Variants in CDS2 observed in about 807,000 individuals in gnomAD.
The protein encoded by CDS2 is phosphatidate cytidylyltransferase 2.
A neutral mutation model predicts 59.0 loss-of-function variants in CDS2; 47 were observed. That is an observed-to-expected ratio of 0.80 (90% CI 0.63 to 1.02). The LOEUF (loss-of-function observed/expected upper bound fraction) is 1.02, where lower values mean the gene tolerates loss of function less well. CDS2 is among the 50% of genes least tolerant of loss of function. The probability of loss-of-function intolerance (pLI) is 0.00; values close to 1 mark genes in which losing one functional copy is unlikely to be tolerated. For missense variants in CDS2, 356 were observed against 558.9 expected (o/e 0.64, Z 3.66); for synonymous variants, 207 against 206.4 (o/e 1.00, Z -0.02).
chr20:5,138,368 G>A (rs1375351091), intron 1 of CDS2, among the ~76,000 whole-genome samples: 1 of 152,102 alleles, frequency 6.6e-6, no homozygotes, highest in Non-Finnish European at 1.5e-5. Flanking sequence ...TTCCCAATGT[G>A]TGTTCTTGGT....
chr20:5,178,337 A>G (rs972575288), intron 4 of CDS2, among the ~76,000 whole-genome samples: 1 of 152,226 alleles, frequency 6.6e-6, no homozygotes, highest in African/African-American at 2.4e-5. Flanking sequence ...ATGGCATTTG[A>G]GCAAGGAGTG....
intron 1 of CDS2, among the ~76,000 whole-genome samples, chr20:5,133,586 G>A (rs933911763): frequency 2.0e-5 from 3 of 152,182 alleles, no homozygotes; most frequent in Non-Finnish European, 2.9e-5. Flanking sequence ...GGAGTGTAAT[G>A]GTATAATCTC....
chr20:5,176,243 A>C (rs2090994128), intron 3 of CDS2: 1 of 164,776 alleles, frequency 6.1e-6, no homozygotes, highest in Non-Finnish European at 1.3e-5. Context: ...AGAAGGTGAA[A>C]CCTCGTCTCT....
chr20:5,180,565 A>G lies in CDS2; in HGVS notation c.529+1609A>G, dbSNP rs547125947. The stretch of plus-strand genomic sequence containing the variant: ...ACAAGCAGAGGTCATTCTCATTGCT[A>G]TCTTGATTTTGGAGGGGTTTGGCCA... On this transcript the variant is annotated intron_variant, in intron 5 of 12. Coordinates refer to ENST00000460006, the MANE Select transcript of CDS2 (RefSeq NM_003818.4). Among the ~76,000 whole-genome samples the G allele has an allele frequency of 4.6e-5, 7 of 152,104 alleles. No individual in the cohort carries two copies. In the South Asian group the frequency reaches 1.2e-3, roughly 27 times the overall value.
intron 1 of CDS2, among the ~76,000 whole-genome samples, chr20:5,133,827 T>C (rs2090627314): frequency 6.6e-6 from 1 of 152,216 alleles, no homozygotes; most frequent in African/African-American, 2.4e-5. Context: ...GCCTGGCCTA[T>C]GAAGGTCTTC....
intron 1 of CDS2, among the ~76,000 whole-genome samples, chr20:5,142,876 A>G (rs1402683604): frequency 1.3e-5 from 2 of 152,106 alleles, no homozygotes; most frequent in Non-Finnish European, 2.9e-5. Flanking sequence ...TTTTTTTGAG[A>G]CAGGTTCTCA....
chr20:5,189,625 A>G (rs374366535), intron 11 of CDS2, 110 bp from the exon 12 acceptor site: 23 of 730,442 alleles, frequency 3.1e-5, no homozygotes, highest in South Asian at 1.5e-4. Context: ...CTCACCTTCT[A>G]TTGCCCTCAG....
At chr20:5,152,399 CTT>C in intron 1 of CDS2, among the ~76,000 whole-genome samples, 1 of 152,038 alleles carries the variant, frequency 6.6e-6, no homozygotes, top group East Asian at 1.9e-4. Context: ...TCTTGGTGTA[CTT>C]TCGTTTCATC....
At position 5,127,793 on chromosome 20, in the gene CDS2, G is replaced by A. The variant is rs967247570; in HGVS notation, c.57+644G>A. Among the ~76,000 whole-genome samples, 13 of 152,224 alleles carry A rather than the reference G, an allele frequency of 8.5e-5. No individual in the cohort carries two copies. In the East Asian group the frequency reaches 2.1e-3, roughly 25 times the overall value. On this transcript the variant is annotated intron_variant, in intron 1 of 12. Coordinates refer to ENST00000460006, the MANE Select transcript of CDS2 (RefSeq NM_003818.4). The stretch of plus-strand genomic sequence containing the variant: ...AGTAGGAAGGAGGCCATCTTGGCGG[G>A]GACAGTGGCGGGGGTGACGGGTGGG...
Position 5,183,105 on chromosome 20 carries a change from A to T in CDS2, c.633A>T (p.Ser211=). The T allele has an allele frequency of 6.2e-7, 1 of 1,614,134 alleles. No homozygotes were observed. Among genetic ancestry groups the T allele is most frequent in the Non-Finnish European group, 8.5e-7 (1 of 1,179,998 alleles). The part of the protein sequence containing the change: ...HVTLLIVVTQ[S]HLVIHNLFEG... ...CATTGCTGATTGTTGTAACACAGTC[A>T]CATCTTGTTATCCACAACCTATTTG... Residue 211 remains serine (S), a synonymous_variant, in exon 7 of 13, where the codon TCA becomes TCT. Transcript: ENST00000460006.
chr20:5,137,859 C>T (rs2090660540), intron 1 of CDS2, among the ~76,000 whole-genome samples: 1 of 151,490 alleles, frequency 6.6e-6, no homozygotes, highest in Non-Finnish European at 1.5e-5. Flanking sequence ...AGTACAGTGG[C>T]ACGATCTCGG....
intron 3 of CDS2, 165 bp from the exon 4 acceptor site, chr20:5,176,483 C>G: frequency 1.6e-6 from 1 of 626,548 alleles, no homozygotes; most frequent in Non-Finnish European, 2.9e-6. Context: ...GGCTGCATTG[C>G]TCTGTGGGAT....
chr20:5,168,800 A>G (rs1444642136), intron 1 of CDS2, among the ~76,000 whole-genome samples: 1 of 152,168 alleles, frequency 6.6e-6, no homozygotes, highest in African/African-American at 2.4e-5. Flanking sequence ...CCAGACCTTA[A>G]CCACAAGGAA....
At chr20:5,178,714 G>T (rs181429506) in intron 4 of CDS2, 103 bp from the exon 5 acceptor site, 7 of 1,172,684 alleles carry the variant, frequency 6.0e-6, no homozygotes, top group Non-Finnish European at 8.8e-6. Context: ...ACTCAAGGGT[G>T]GGGGGTATTC....
In CDS2 at chr20:5,184,905, A is replaced by AT; in HGVS notation, c.720dup (p.Met241TyrfsTer56). 1 of 1,613,930 alleles carries AT rather than the reference A, an allele frequency of 6.2e-7. No homozygotes were observed. Among genetic ancestry groups the AT allele is most frequent in the Non-Finnish European group, 8.5e-7 (1 of 1,179,940 alleles). ...GTGATCTGTAATGACATCATGGCCT[A>AT]TATGTTTGGCTTTTTCTTTGGTCGG... On this transcript the variant is annotated frameshift_variant, in exon 8 of 13. Transcript: ENST00000460006. LOFTEE classifies it high-confidence loss of function. The surrounding 1 kb of genome is among the most constrained non-coding windows in gnomAD (Gnocchi z 4.3).
chr20:5,186,630 C>G (rs1455199506), intron 9 of CDS2, 57 bp from the exon 10 acceptor site: 7 of 1,593,700 alleles, frequency 4.4e-6, no homozygotes, highest in Non-Finnish European at 6.0e-6. Context: ...GTGCCTGTGT[C>G]TGGGCTGGAT....
At chr20:5,175,103 C>T (rs2090984841) in intron 2 of CDS2, 80 bp from the exon 3 acceptor site, 2 of 1,005,750 alleles carry the variant, frequency 2.0e-6, no homozygotes, top group Non-Finnish European at 3.2e-6. Flanking sequence ...TCAGGAAGAT[C>T]CATATCCCTT....
Position 5,185,795 on chromosome 20 carries a change from G to T in CDS2, c.797G>T (p.Gly266Val). 1 of 1,614,226 alleles carries T rather than the reference G, an allele frequency of 6.2e-7. No individual in the cohort carries two copies. Among genetic ancestry groups the T allele is most frequent in the South Asian group, 1.1e-5 (1 of 91,084 alleles). ...AAGACCTGGGAAGGCTTCATTGGGG[G>T]CTTCTTTGCTACTGTGGTGTTTGGC... ...PKKTWEGFIG[G>V]FFATVVFGLL... Residue 266 changes from glycine (G) to valine (V), a missense_variant, in exon 9 of 13, where the codon GGC becomes GTC. This residue lies in a region of CDS2 where 88 missense variants were observed against 103.6 expected (regional missense o/e 0.85). Coordinates refer to ENST00000460006, the MANE Select transcript of CDS2 (RefSeq NM_003818.4).
intron 8 of CDS2, among the ~76,000 whole-genome samples, 183 bp downstream of exon 8, chr20:5,185,128 TAAAG>T (rs769830611): frequency 4.0e-5 from 6 of 150,628 alleles, no homozygotes; most frequent in Middle Eastern, 3.4e-3. Context: ...AAAAAGATAA[TAAAG>T]AAAATAGGCT....
Sources: allele counts gnomAD v4.1 joint callset (sites outside exome capture counted in the v4.1 genomes callset), GRCh38; gene constraint gnomAD v4.1.1; regional missense constraint gnomAD v4.1.1; non-coding constraint Gnocchi (gnomAD v3.1); transcripts MANE v1.5; gene names NCBI Gene and HGNC (gene_info 2026-07-23, HGNC 2026-07-21).